The following TRIM37 variants were observed in gnomAD, a reference collection of about 807,000 sequenced individuals.
TRIM37 encodes tripartite motif containing 37, also known as E3 ubiquitin-protein ligase TRIM37.
A neutral mutation model predicts 129.8 loss-of-function variants in TRIM37; 80 were observed. That is an observed-to-expected ratio of 0.62 (90% confidence interval 0.51 to 0.74). The LOEUF is 0.74. Among genes scored for constraint, TRIM37 ranks in the 30% least tolerant of loss-of-function variants. The pLI is 0.00. For missense variants in TRIM37, 1,054 were observed against 1,176.5 expected (o/e 0.90, Z 1.52); for synonymous variants, 389 against 387.1 (o/e 1.00, Z -0.06).
intron 22 of TRIM37, among the ~76,000 whole-genome samples, chr17:59,005,291 CT>C (rs917161086): frequency 2.7e-4 from 40 of 149,508 alleles, no homozygotes; most frequent in Admixed American, 1.0e-3. Context: ...ACATGTGTAT[CT>C]TTTTTTTTTG....
At chr17:59,060,244 G>C (rs1194962924) in intron 12 of TRIM37, among the ~76,000 whole-genome samples, 1 of 152,008 alleles carries the variant, frequency 6.6e-6, no homozygotes, top group Non-Finnish European at 1.5e-5. Flanking sequence ...AGAAATTGTA[G>C]AGTTAGTTTG....
At chr17:59,045,319 A>G (rs1004712297) in intron 16 of TRIM37, among the ~76,000 whole-genome samples, 2 of 149,806 alleles carry the variant, frequency 1.3e-5, no homozygotes, top group Non-Finnish European at 1.5e-5. Flanking sequence ...ACAGAGCGAG[A>G]CTCCGTTTCA....
At chr17:59,083,812 G>A (rs1315363251) in intron 5 of TRIM37, among the ~76,000 whole-genome samples, 190 bp downstream of exon 5, 2 of 151,930 alleles carry the variant, frequency 1.3e-5, no homozygotes, top group African/African-American at 4.8e-5. Flanking sequence ...TTACATAAGG[G>A]GTCCATCAAA....
Position 59,051,328 on chromosome 17 carries a change from C to T in TRIM37, c.1200G>A (p.Arg400=). 1.2e-6 allele frequency: 2 copies of T among 1,600,700 alleles called. No individual in the cohort carries two copies. Among genetic ancestry groups the T allele is most frequent in the Non-Finnish European group, 8.6e-7 (1 of 1,168,150 alleles). ...LNPQNDTVIL[R]FQVRSPTFFQ... The stretch of plus-strand genomic sequence containing the variant: ...AGAAAGTTGGTGAACGTACCTGAAA[C>T]CTTAAAAGAATTGTGCCACATTAAA... Residue 400 remains arginine, a splice_region_variant and synonymous_variant, in exon 14 of 24, where the codon AGG becomes AGA. Transcript: ENST00000262294.
Position 58,992,568 on chromosome 17 carries a change from T to C in TRIM37, c.2891+6813A>G, listed in dbSNP as rs554677803. Among the ~76,000 whole-genome samples the C allele has an allele frequency of 3.9e-4, 59 of 152,050 alleles. 1 individual carries two copies. The highest frequency in any genetic ancestry group is 1.3e-3 in the African/African-American group (55 of 41,486). On this transcript the variant is annotated intron_variant, in intron 24 of 24. Coordinates refer to the TRIM37 transcript ENST00000393066. ...GCTAGTTTTGTATTTTTAGTAAAGA[T>C]AGGGTTTCTCCATGTTGGTCAGGCT...
At chr17:59,055,251 G>A (rs556818997) in intron 13 of TRIM37, among the ~76,000 whole-genome samples, 5 of 143,636 alleles carry the variant, frequency 3.5e-5, no homozygotes, top group Non-Finnish European at 7.4e-5. Context: ...CAGGAGAATC[G>A]CTTGAACCTG....
intron 9 of TRIM37, 97 bp downstream of exon 9, chr17:59,070,726 G>C: frequency 7.5e-7 from 1 of 1,326,634 alleles, no homozygotes; most frequent in Non-Finnish European, 1.1e-6. Context: ...AAAAGAGAGA[G>C]AGAGATGGCA....
At chr17:58,980,355 A>G (rs937435070), downstream of TRIM37, 1 of 1,614,180 alleles carries the variant, frequency 6.2e-7, no homozygotes, top group Non-Finnish European at 8.5e-7. The surrounding 1 kb of genome is among the most constrained non-coding windows in gnomAD (Gnocchi z 4.7). Context: ...CCTTGGCCTC[A>G]GCACCAGTGC....
At chr17:59,054,224 C>CT (rs942764720) in intron 13 of TRIM37, among the ~76,000 whole-genome samples, 2 of 152,244 alleles carry the variant, frequency 1.3e-5, no homozygotes, top group Admixed American at 6.5e-5. Flanking sequence ...ATATTTTAAT[C>CT]TTTTTTAAAT....
intron 16 of TRIM37, among the ~76,000 whole-genome samples, chr17:59,046,442 A>G (rs1193052935): frequency 6.6e-6 from 1 of 152,162 alleles, no homozygotes; most frequent in African/African-American, 2.4e-5. Context: ...TGTAACCTCT[A>G]TCTAATCATG....
the TRIM37 span, among the ~76,000 whole-genome samples, chr17:58,970,199 G>A: frequency 6.6e-6 from 1 of 152,228 alleles, no homozygotes; most frequent in African/African-American, 2.4e-5. Context: ...TTCGCTTGGA[G>A]AGGGTGAATC....
chr17:58,988,846 G>A (rs1241487983), intron 24 of TRIM37, among the ~76,000 whole-genome samples: 1 of 152,118 alleles, frequency 6.6e-6, no homozygotes, highest in African/African-American at 2.4e-5. Flanking sequence ...ATCCAATCTT[G>A]AACCAAGCAC....
rs1555639577 is a variant in TRIM37 at position 59,012,227 on chromosome 17, G to GCAC, written c.2695+98_2695+100dup. ...CCTATCACTACCACCAGCAGCAGCA[G>GCAC]CACCACCACCACCACCACCACCACC... is the stretch of plus-strand genomic sequence containing the variant. On this transcript the variant is annotated intron_variant, in intron 22 of 23. Coordinates refer to ENST00000262294, the MANE Select transcript of TRIM37 (RefSeq NM_015294.6). 1,341 of 611,594 alleles carry GCAC rather than the reference G, an allele frequency of 2.2e-3. 2 individuals are homozygous for GCAC. The highest frequency in any genetic ancestry group is 3.8e-3 in the Middle Eastern group (13 of 3,408). The allele number at this position is 611,594 out of a possible 1,614,324, so 37.9% of individuals were successfully genotyped here.
At chr17:59,064,635 G>A (rs1438395604) in intron 9 of TRIM37, among the ~76,000 whole-genome samples, 1 of 152,100 alleles carries the variant, frequency 6.6e-6, no homozygotes, top group African/African-American at 2.4e-5. Context: ...TTGGCTGGGT[G>A]AGGTGGCTCA....
At position 59,064,410 on chromosome 17, in the gene TRIM37, A is replaced by AAAAAAAAAGGC; in HGVS notation, c.810-16_810-6dup. ...TCGTAAGATGGCACTAATTCACTAA[A>AAAAAAAAAGGC]AAAAAAAAGGCAAAAAAAATTATTT... On this transcript the variant is annotated splice_polypyrimidine_tract_variant and splice_region_variant and intron_variant, in intron 9 of 23. Transcript: ENST00000262294. 3 of 1,579,542 alleles carry AAAAAAAAAGGC rather than the reference A, an allele frequency of 1.9e-6. No individual in the cohort carries two copies. The highest frequency in any genetic ancestry group is 2.6e-6 in the Non-Finnish European group (3 of 1,163,204).
At chr17:59,069,878 G>A (rs2042222801) in intron 9 of TRIM37, among the ~76,000 whole-genome samples, 1 of 152,186 alleles carries the variant, frequency 6.6e-6, no homozygotes, top group Non-Finnish European at 1.5e-5. Flanking sequence ...CAGAGAAAAG[G>A]TCAGGTGAAG....
chr17:59,098,461 T>C (rs2045123426), intron 2 of TRIM37, among the ~76,000 whole-genome samples: 1 of 151,976 alleles, frequency 6.6e-6, no homozygotes, highest in African/African-American at 2.4e-5. Context: ...GCCCAGGAGT[T>C]TGAGGCCAGC....
Position 59,047,700 on chromosome 17 carries a change from A to T in TRIM37, c.1650T>A (p.Asp550Glu). The change falls in exon 16 of 24, where the codon GAT becomes GAA. Residue 550 changes from aspartate to glutamate, a missense_variant. By Grantham distance (45) the Asp-to-Glu change is conservative. Coordinates refer to ENST00000262294, the MANE Select transcript of TRIM37 (RefSeq NM_015294.6). ...AAACTCACATAGTTTCTTCATCAAT[A>T]TCATTTTCTTCTGTATTACTTGTTG... ...STATSNTEEN[D>E]IDEETMSGEN... 4.5e-5 allele frequency: 72 copies of T among 1,613,752 alleles called. No individual in the cohort carries two copies. Among genetic ancestry groups the T allele is most frequent in the Non-Finnish European group, 6.1e-5 (72 of 1,179,878 alleles).
At chr17:58,980,083 C>A (rs151205066), downstream of TRIM37, 1 of 1,614,082 alleles carries the variant, frequency 6.2e-7, no homozygotes, top group Non-Finnish European at 8.5e-7. The surrounding 1 kb of genome is among the most constrained non-coding windows in gnomAD (Gnocchi z 4.7). Flanking sequence ...TCTATGACAC[C>A]GTGAACCCTG....
Sources: gnomAD v4.1 joint callset for allele counts (sites outside exome capture counted in the v4.1 genomes callset) on GRCh38, gnomAD v4.1.1 for gene constraint, Gnocchi (gnomAD v3.1) non-coding constraint, MANE v1.5 for transcripts, NCBI Gene and HGNC (gene_info 2026-07-23, HGNC 2026-07-21) for gene names.